The following CYFIP1 variants were observed in gnomAD, a reference collection of about 807,000 sequenced individuals.
CYFIP1 encodes cytoplasmic FMR1-interacting protein 1.
CYFIP1 carries 58 observed loss-of-function variants against 163.5 expected under a neutral mutation model. The ratio of observed to expected loss-of-function variants is 0.35; its 90% CI spans 0.29 to 0.44. CYFIP1 has a LOEUF of 0.44. CYFIP1 is among the 20% of genes least tolerant of loss of function. The pLI is 1.00. For synonymous variants in CYFIP1, 663 were observed against 660.7 expected (o/e 1.00, Z -0.05); for missense variants, 1,338 against 1,653.8 (o/e 0.81, Z 3.31).
intron 1 of CYFIP1, among the ~76,000 whole-genome samples, chr15:22,951,762 G>C (rs1204924115): frequency 6.6e-6 from 1 of 152,198 alleles, no homozygotes; most frequent in Non-Finnish European, 1.5e-5. Flanking sequence ...CCTCTGCCCA[G>C]GAGAGGCCAA....
Position 22,932,373 on chromosome 15 carries a change from G to A in CYFIP1, c.993-33C>T, listed in dbSNP as rs111702276. 2.8e-4 allele frequency: 419 copies of A among 1,489,046 alleles called. 2 individuals are homozygous for A. The highest frequency in any genetic ancestry group is 2.3e-4 in the Non-Finnish European group (259 of 1,103,794). 92.2% of individuals were successfully genotyped at this position (1,489,046 alleles called of 1,614,324 possible). A position where few individuals can be genotyped will look rare whatever the true frequency, so the allele number is the denominator to read the frequency against. ...GAGAGAAAGCACCCGCGTTACCTGC[G>A]GAGGCGCCGGCAGGCCACAGCACTG... is the stretch of plus-strand genomic sequence containing the variant. On this transcript the variant is annotated intron_variant, in intron 10 of 30. Coordinates refer to ENST00000617928, the MANE Select transcript of CYFIP1 (RefSeq NM_014608.6).
At chr15:22,871,653 T>C (rs1175024407) in intron 30 of CYFIP1, among the ~76,000 whole-genome samples, 1 of 152,098 alleles carries the variant, frequency 6.6e-6, no homozygotes, top group Non-Finnish European at 1.5e-5. Flanking sequence ...GTGGGCTCAA[T>C]ATAGTCACAG....
chr15:22,902,409 G>A lies in CYFIP1; in HGVS notation c.2588+1297C>T, dbSNP rs1460039458. 2.0e-5 allele frequency among the ~76,000 whole-genome samples: 3 copies of A among 152,184 alleles called. No individual in the cohort carries two copies. The East Asian group carries it at 5.8e-4, about 29-fold the overall frequency. ...GCAGACTCGGGATGGAGAGGCCGAG[G>A]GCCGCCCATGCCTCACTTTAGAGGA... On this transcript the variant is annotated intron_variant, in intron 22 of 30. Coordinates refer to ENST00000617928, the MANE Select transcript of CYFIP1 (RefSeq NM_014608.6).
At chr15:22,908,758 A>G (rs1371511233) in intron 21 of CYFIP1, among the ~76,000 whole-genome samples, 5 of 151,676 alleles carry the variant, frequency 3.3e-5, no homozygotes, top group African/African-American at 4.8e-5. Context: ...CAAACTCCTG[A>G]CCTCAAATGA....
chr15:22,920,561 T>C (rs1041958931), intron 13 of CYFIP1, among the ~76,000 whole-genome samples: 1 of 152,204 alleles, frequency 6.6e-6, no homozygotes, highest in Non-Finnish European at 1.5e-5. Flanking sequence ...TTCTTTTTCA[T>C]GAAATTTTCA....
chr15:22,930,750 CAA>C (rs1491324993), intron 11 of CYFIP1, among the ~76,000 whole-genome samples: 2 of 152,010 alleles, frequency 1.3e-5, no homozygotes, highest in African/African-American at 4.8e-5. Flanking sequence ...GTGTTTTAAG[CAA>C]AGTGTTGTTA....
intron 1 of CYFIP1, among the ~76,000 whole-genome samples, chr15:22,970,303 A>G (rs1433419020): frequency 6.6e-6 from 1 of 152,212 alleles, no homozygotes; most frequent in Non-Finnish European, 1.5e-5. Context: ...TTAAATACAA[A>G]CAAATGGAAA....
chr15:22,947,446 T>C, intron 1 of CYFIP1, 155 bp from the exon 2 acceptor site: 1 of 1,040,414 alleles, frequency 9.6e-7, no homozygotes, highest in Non-Finnish European at 1.4e-6. Flanking sequence ...GGGAGTTGCG[T>C]GTCTCTCTCA....
intron 26 of CYFIP1, among the ~76,000 whole-genome samples, chr15:22,877,088 G>A (rs1333376871): frequency 6.6e-6 from 1 of 152,154 alleles, no homozygotes; most frequent in Non-Finnish European, 1.5e-5. Context: ...CAAAACTCAT[G>A]GTGAAATTTA....
chr15:22,962,429 G>C (rs1053069184), intron 1 of CYFIP1, among the ~76,000 whole-genome samples: 1 of 130,608 alleles, frequency 7.7e-6, no homozygotes, highest in Non-Finnish European at 1.6e-5. Context: ...ACGGAGTTTT[G>C]CTCTTGTTGC....
At chr15:22,949,222 T>TC (rs999776961) in intron 1 of CYFIP1, among the ~76,000 whole-genome samples, 11 of 151,844 alleles carry the variant, frequency 7.2e-5, no homozygotes, top group Admixed American at 3.3e-4. Context: ...GGCCGCGGAT[T>TC]CCCCCCGGGG....
rs149874156 is a variant in CYFIP1, at chr15:22,941,467, T to C, written c.569+1706A>G. Among the ~76,000 whole-genome samples the C allele has an allele frequency of 3.5e-3, 529 of 152,134 alleles. 2 individuals carry two copies. The highest frequency in any genetic ancestry group is 0.012 in the African/African-American group (503 of 41,484). ...TTTTCCTCAAGCCTCACCATAACCA[T>C]ATGAGTTATCTTGGCATTGACACTT... On this transcript the variant is annotated intron_variant, in intron 6 of 30. Transcript: ENST00000617928.
At chr15:22,930,511 C>A (rs7176977) in intron 11 of CYFIP1, among the ~76,000 whole-genome samples, 129 of 151,806 alleles carry the variant, frequency 8.5e-4, no homozygotes, top group Non-Finnish European at 1.6e-3. Flanking sequence ...CAAGACCACA[C>A]ACATGATGGT....
At chr15:22,951,604 G>A in intron 1 of CYFIP1, 1 of 1,254,622 alleles carries the variant, frequency 8.0e-7, no homozygotes, top group Non-Finnish European at 1.0e-6. Flanking sequence ...TGCCAGGAGA[G>A]GCCTGGGGGC....
chr15:22,923,671 A>G (rs1371770897), intron 13 of CYFIP1, among the ~76,000 whole-genome samples: 1 of 152,142 alleles, frequency 6.6e-6, no homozygotes, highest in Non-Finnish European at 1.5e-5. Context: ...GAGGCTGGGC[A>G]TGGTGGCTCA....
chr15:22,958,375 T>G, intron 1 of CYFIP1, among the ~76,000 whole-genome samples: 1 of 152,142 alleles, frequency 6.6e-6, no homozygotes, highest in Non-Finnish European at 1.5e-5. Flanking sequence ...TGTGAGGTAA[T>G]CTGCTTTCTT....
chr15:22,918,071 A>C lies in CYFIP1; in HGVS notation c.1527-136T>G, dbSNP rs2061053811. The C allele has an allele frequency of 2.9e-6, 3 of 1,020,950 alleles. No individual in the cohort carries two copies. In the East Asian group the frequency reaches 7.6e-5, roughly 26 times the overall value. The allele number at this position is 1,020,950 out of a possible 1,614,324, so 63.2% of individuals were successfully genotyped here. On this transcript the variant is annotated intron_variant, in intron 14 of 30. Coordinates refer to ENST00000617928, the MANE Select transcript of CYFIP1 (RefSeq NM_014608.6). ...ATACAAATTACTCTGGGGGCCATGG[A>C]GGGATGTGGTAATGGACCAGCTCAA... is the stretch of plus-strand genomic sequence containing the variant.
At position 22,903,912 on chromosome 15, in the gene CYFIP1, C is replaced by T; in HGVS notation, c.2389-7G>A. 2 of 1,613,366 alleles carry T rather than the reference C, an allele frequency of 1.2e-6. No individual in the cohort carries two copies. Among genetic ancestry groups the T allele is most frequent in the Non-Finnish European group, 1.7e-6 (2 of 1,179,714 alleles). ...CCAACAGGCCATCCAGCTCCTGTGG[C>T]ACCAAAGACAGGGGTGGGTGACAGA... On this transcript the variant is annotated splice_region_variant and splice_polypyrimidine_tract_variant and intron_variant, in intron 21 of 30. Transcript: ENST00000617928.
At chr15:22,933,742 A>C in intron 10 of CYFIP1, 60 bp downstream of exon 10, 1 of 1,272,668 alleles carries the variant, frequency 7.9e-7, no homozygotes, top group Non-Finnish European at 1.1e-6. Flanking sequence ...GGATGTTTGA[A>C]AACCGCACAA....
Sources: allele counts gnomAD v4.1 joint callset (sites outside exome capture counted in the v4.1 genomes callset), GRCh38; gene constraint gnomAD v4.1.1; transcripts MANE v1.5; gene names NCBI Gene and HGNC (gene_info 2026-07-23, HGNC 2026-07-21).